Variants in CYB5B observed in about 807,000 individuals in gnomAD.
The protein encoded by CYB5B is cytochrome b5 type B (outer mitochondrial membrane).
CYB5B carries 14 observed loss-of-function variants against 21.3 expected under a neutral mutation model. That is an observed-to-expected ratio of 0.66 (90% CI 0.43 to 1.03). The LOEUF (loss-of-function observed/expected upper bound fraction) is 1.03. Among genes scored for constraint, CYB5B ranks in the 50% least tolerant of loss-of-function variants. The probability of loss-of-function intolerance (pLI) is 0.00; values close to 1 mark genes in which losing one functional copy is unlikely to be tolerated. For missense variants in CYB5B, 166 were observed against 185.1 expected, an observed-to-expected ratio of 0.90 and a Z score of 0.60; for synonymous variants, 69 against 68.4, an observed-to-expected ratio of 1.01 and a Z score of -0.04.
chr16:69,457,705 T>G (rs2014996061), intron 3 of CYB5B, among the ~76,000 whole-genome samples: 1 of 152,214 alleles, frequency 6.6e-6, no homozygotes, highest in Non-Finnish European at 1.5e-5. Flanking sequence ...ATGATAATCA[T>G]TAAAGTCTTA....
intron 1 of CYB5B, among the ~76,000 whole-genome samples, chr16:69,442,954 A>T (rs1219180692): frequency 6.6e-6 from 1 of 150,582 alleles, no homozygotes; most frequent in East Asian, 2.0e-4. Flanking sequence ...AGGCTTTTTT[A>T]AAAATTTTTT....
At chr16:69,433,321 C>T (rs1339254253) in intron 1 of CYB5B, among the ~76,000 whole-genome samples, 1 of 152,160 alleles carries the variant, frequency 6.6e-6, no homozygotes, top group East Asian at 1.9e-4. Context: ...TAAAAAGCCA[C>T]CTTCCCCTCT....
At position 69,463,440 on chromosome 16, in the gene CYB5B, G is replaced by A. The variant is rs912627028; in HGVS notation, c.*920G>A. ...TAAAGAAACAGGATAGGAGTTTAGA[G>A]AAGGCACCAAAGCTTTCACTTTGGT... On this transcript the variant is annotated 3_prime_UTR_variant, in exon 5 of 5. Transcript: ENST00000307892. 6.6e-6 allele frequency: 1 copy of A among 152,164 alleles called. No individual in the cohort carries two copies. The highest frequency in any genetic ancestry group is 1.5e-5 in the Non-Finnish European group (1 of 68,032). The allele number at this position is 152,164 out of a possible 1,614,324, so 9.4% of individuals were successfully genotyped here. A position where few individuals can be genotyped will look rare whatever the true frequency, so the allele number is the denominator to read the frequency against.
chr16:69,462,073 T>C (rs922256253), intron 4 of CYB5B, among the ~76,000 whole-genome samples: 1 of 152,294 alleles, frequency 6.6e-6, no homozygotes, highest in South Asian at 2.1e-4. Flanking sequence ...TGTTTAAAAA[T>C]GTTTAATTGT....
intron 1 of CYB5B, among the ~76,000 whole-genome samples, chr16:69,437,688 T>C (rs951647321): frequency 3.9e-5 from 6 of 152,184 alleles, no homozygotes; most frequent in Non-Finnish European, 8.8e-5. Context: ...TACACTGTTA[T>C]GCAGTCATCA....
chr16:69,461,276 T>C (rs1229395618), intron 4 of CYB5B, among the ~76,000 whole-genome samples: 1 of 152,210 alleles, frequency 6.6e-6, no homozygotes, highest in Non-Finnish European at 1.5e-5. Context: ...TTTTGGATTC[T>C]TCAGTCTCTT....
At chr16:69,435,697 G>T (rs186829095) in intron 1 of CYB5B, among the ~76,000 whole-genome samples, 1 of 152,236 alleles carries the variant, frequency 6.6e-6, no homozygotes, top group Admixed American at 6.5e-5. Flanking sequence ...GAGTGCAGTG[G>T]CGCGGTCTCA....
chr16:69,434,206 G>A (rs1269760230), intron 1 of CYB5B, among the ~76,000 whole-genome samples: 1 of 152,074 alleles, frequency 6.6e-6, no homozygotes, highest in Admixed American at 6.6e-5. Context: ...TGTGTTATCA[G>A]TGATTTGTAA....
intron 1 of CYB5B, among the ~76,000 whole-genome samples, chr16:69,444,449 C>G (rs2014857284): frequency 6.6e-6 from 1 of 152,168 alleles, no homozygotes; most frequent in South Asian, 2.1e-4. Context: ...GTGATTCCAA[C>G]TCCTCCAGCT....
At chr16:69,437,443 G>A (rs1312013683) in intron 1 of CYB5B, among the ~76,000 whole-genome samples, 4 of 152,240 alleles carry the variant, frequency 2.6e-5, no homozygotes, top group African/African-American at 7.2e-5. Flanking sequence ...GAATTTTTGA[G>A]TGTCTAGTAG....
In CYB5B at chr16:69,463,024, G is replaced by A. The variant is rs964387884; in HGVS notation, c.*504G>A. 5 of 154,684 alleles carry A rather than the reference G, an allele frequency of 3.2e-5. No homozygotes were observed. Among genetic ancestry groups the A allele is most frequent in the African/African-American group, 9.7e-5 (4 of 41,384 alleles). The allele number at this position is 154,684 out of a possible 1,614,324, so 9.6% of individuals were successfully genotyped here. On this transcript the variant is annotated 3_prime_UTR_variant, in exon 5 of 5. Coordinates refer to ENST00000307892, the MANE Select transcript of CYB5B (RefSeq NM_030579.3). The stretch of plus-strand genomic sequence containing the variant: ...TTTGGGAGGCCAAGGTGGGAAGATC[G>A]CTTGAGGCCAAGAGTTCAAGACCAG...
At chr16:69,454,465 A>G (rs2014964818) in intron 3 of CYB5B, among the ~76,000 whole-genome samples, 2 of 152,214 alleles carry the variant, frequency 1.3e-5, no homozygotes, top group African/African-American at 2.4e-5. Flanking sequence ...GAAATCATAT[A>G]CCTTCAATAC....
chr16:69,425,991 A>C (rs2014641287), intron 1 of CYB5B, among the ~76,000 whole-genome samples: 1 of 152,262 alleles, frequency 6.6e-6, no homozygotes, highest in South Asian at 2.1e-4. Flanking sequence ...AAAATTTAAA[A>C]GTTTCCCCCA....
At chr16:69,439,711 A>T (rs9937829) in intron 1 of CYB5B, among the ~76,000 whole-genome samples, 26,295 of 150,334 alleles carry the variant, frequency 0.17, 2,397 homozygotes, top group Middle Eastern at 0.26. Context: ...GAATTATAGG[A>T]GCGGGCCACC....
At chr16:69,454,605 A>G (rs1328892666) in intron 3 of CYB5B, among the ~76,000 whole-genome samples, 1 of 152,146 alleles carries the variant, frequency 6.6e-6, no homozygotes, top group Admixed American at 6.5e-5. Flanking sequence ...GAAGTTCCCA[A>G]CTTGTTTTTC....
At chr16:69,456,884 G>A (rs2014988736) in intron 3 of CYB5B, among the ~76,000 whole-genome samples, 1 of 152,160 alleles carries the variant, frequency 6.6e-6, no homozygotes, top group Non-Finnish European at 1.5e-5. Flanking sequence ...TTGGCTGAGA[G>A]TCCTGGCTGC....
chr16:69,428,035 G>A (rs923509977), intron 1 of CYB5B, among the ~76,000 whole-genome samples: 2 of 151,052 alleles, frequency 1.3e-5, no homozygotes, highest in African/African-American at 2.4e-5. Context: ...CTATTGCCCA[G>A]TGTGGTCTGG....
chr16:69,444,538 A>G (rs2014858414), intron 1 of CYB5B, among the ~76,000 whole-genome samples: 1 of 152,174 alleles, frequency 6.6e-6, no homozygotes, highest in South Asian at 2.1e-4. Flanking sequence ...AGTTCTAAAC[A>G]GAAACCAAAA....
At chr16:69,428,708 G>C (rs990412384) in intron 1 of CYB5B, among the ~76,000 whole-genome samples, 1 of 152,054 alleles carries the variant, frequency 6.6e-6, no homozygotes, top group African/African-American at 2.4e-5. Context: ...GAATATTTAT[G>C]TGGTGTGAGG....
Sources: allele counts gnomAD v4.1 joint callset (sites outside exome capture counted in the v4.1 genomes callset), GRCh38; gene constraint gnomAD v4.1.1; transcripts MANE v1.5; gene names NCBI Gene and HGNC (gene_info 2026-07-23, HGNC 2026-07-21).